The following TRUB1 variants were observed in gnomAD, a reference collection of about 807,000 sequenced individuals.
TRUB1 encodes the protein TruB pseudouridine synthase family member 1.
In TRUB1, 23 loss-of-function variants were observed where a neutral mutation model predicts 33.9. The ratio of observed to expected loss-of-function variants is 0.68; its 90% CI spans 0.49 to 0.96. The LOEUF (loss-of-function observed/expected upper bound fraction) is 0.96. Among genes scored for constraint, TRUB1 ranks in the 40% least tolerant of loss-of-function variants. TRUB1 has a pLI of 0.00. For synonymous variants in TRUB1, 163 were observed against 165.4 expected, an observed-to-expected ratio of 0.99 and a Z score of 0.11; for missense variants, 378 against 422.2, an observed-to-expected ratio of 0.90 and a Z score of 0.92.
Position 114,938,413 on chromosome 10 carries a change from G to A in TRUB1, c.160G>A (p.Ala54Thr), listed in dbSNP as rs530499685. Residue 54 changes from alanine to threonine, a missense_variant, in exon 1 of 8, where the codon GCC (alanine) becomes ACC (threonine). Coordinates refer to ENST00000298746, the MANE Select transcript of TRUB1 (RefSeq NM_139169.5). Reference protein sequence around the residue: ...VAAAARTGSEARVSKAALATK... With the variant: ...VAAAARTGSETRVSKAALATK... ...GGCCGCGGCCAGGACCGGATCCGAA[G>A]CCAGGGTCTCCAAGGCCGCTTTGGC... 49 of 1,601,324 alleles carry A rather than the reference G, an allele frequency of 3.1e-5. No homozygotes were observed. In the South Asian group the frequency reaches 4.8e-4, roughly 16 times the overall value.
chr10:114,956,891 CAAAATGTTTGAGAACAT>C (rs954060871), intron 3 of TRUB1, among the ~76,000 whole-genome samples: 1 of 152,068 alleles, frequency 6.6e-6, no homozygotes, highest in African/African-American at 2.4e-5. Flanking sequence ...GTTCTGAAAG[CAAAATGTTTGAGAACAT>C]TTTGATTTGA....
At chr10:114,970,332 G>A (rs1053816223) in intron 4 of TRUB1, 36 bp from the exon 5 acceptor site, 13 of 1,429,056 alleles carry the variant, frequency 9.1e-6, no homozygotes, top group Non-Finnish European at 1.2e-5. Context: ...GTACTTCTGT[G>A]GTTGTTTTAG....
rs371828385 is a variant in TRUB1 at position 114,971,162 on chromosome 10, G to A, written c.596+722G>A. ...CAGCTCTCTGGAGCCTCCTTTATAA[G>A]CGTACTAATTTCTTTCATGAGGGCT... On this transcript the variant is annotated intron_variant, in intron 5 of 7. Transcript: ENST00000298746. Among the ~76,000 whole-genome samples the A allele has an allele frequency of 2.4e-4, 36 of 152,254 alleles. No homozygotes were observed. The South Asian group carries it at 4.6e-3, about 19-fold the overall frequency.
chr10:114,973,916 A>G lies in TRUB1; in HGVS notation c.737-413A>G, dbSNP rs182661277. ...AAGTCAGAAAATATTTTAAAAATCT[A>G]CCGCTCATGATGGCAAAGCTGCCAT... On this transcript the variant is annotated intron_variant, in intron 6 of 7. Coordinates refer to ENST00000298746, the MANE Select transcript of TRUB1 (RefSeq NM_139169.5). Among the ~76,000 whole-genome samples, 320 of 152,266 alleles carry G rather than the reference A, an allele frequency of 2.1e-3. 1 individual carries two copies. The highest frequency in any genetic ancestry group is 7.3e-3 in the African/African-American group (303 of 41,562).
intron 1 of TRUB1, among the ~76,000 whole-genome samples, chr10:114,941,978 G>A (rs1246849359): frequency 1.3e-5 from 2 of 151,804 alleles, no homozygotes; most frequent in Non-Finnish European, 2.9e-5. Flanking sequence ...TAGAGACGGT[G>A]TTTCACCGTG....
chr10:114,949,019 C>T (rs1190705416), intron 2 of TRUB1, among the ~76,000 whole-genome samples: 6 of 152,340 alleles, frequency 3.9e-5, no homozygotes, highest in South Asian at 2.1e-4. Context: ...TTAGGATGCT[C>T]CCACCTTTGC....
chr10:114,971,185 G>T (rs915710545), intron 5 of TRUB1, among the ~76,000 whole-genome samples: 1 of 152,118 alleles, frequency 6.6e-6, no homozygotes, highest in East Asian at 1.9e-4. Flanking sequence ...TTTCATGAGG[G>T]CTGCGCCCTA....
intron 4 of TRUB1, 49 bp from the exon 5 acceptor site, chr10:114,970,319 C>A: frequency 1.5e-6 from 2 of 1,303,162 alleles, no homozygotes; most frequent in Non-Finnish European, 2.2e-6. Flanking sequence ...GAAAATAGTA[C>A]ATGTACTTCT....
chr10:114,974,422 G>T (rs761684593), intron 7 of TRUB1, 37 bp downstream of exon 7: 4 of 1,531,526 alleles, frequency 2.6e-6, no homozygotes, highest in South Asian at 1.1e-5. Flanking sequence ...ATCATTTAGA[G>T]AATAATACTC....
chr10:114,958,646 A>G (rs1354259514), intron 3 of TRUB1, among the ~76,000 whole-genome samples: 1 of 152,204 alleles, frequency 6.6e-6, no homozygotes, highest in Non-Finnish European at 1.5e-5. Flanking sequence ...TCACTACTTC[A>G]TGTGATGCCC....
At chr10:114,957,756 T>G (rs1375608951) in intron 3 of TRUB1, among the ~76,000 whole-genome samples, 1 of 152,188 alleles carries the variant, frequency 6.6e-6, no homozygotes, top group East Asian at 1.9e-4. Context: ...AGGTTCCTAG[T>G]TCAAACTCGT....
intron 4 of TRUB1, among the ~76,000 whole-genome samples, chr10:114,960,530 T>G (rs1400681327): frequency 6.6e-6 from 1 of 152,186 alleles, no homozygotes; most frequent in Non-Finnish European, 1.5e-5. Flanking sequence ...GGCCCCCTTA[T>G]ATTTTTGTGT....
chr10:114,971,370 G>T (rs939434340), intron 5 of TRUB1, among the ~76,000 whole-genome samples: 10 of 152,062 alleles, frequency 6.6e-5, no homozygotes, highest in Admixed American at 5.9e-4. Context: ...GGCTGAATTG[G>T]TTATAGGATA....
intron 4 of TRUB1, among the ~76,000 whole-genome samples, chr10:114,963,966 C>CGTGTGTGTGT (rs35359334): frequency 2.0e-5 from 3 of 148,906 alleles, no homozygotes; most frequent in Non-Finnish European, 4.5e-5. Flanking sequence ...GAATATAGGT[C>CGTGTGTGTGT]GTGTGTGTGT....
chr10:114,948,362 C>T (rs1462989632), intron 2 of TRUB1, among the ~76,000 whole-genome samples: 2 of 152,166 alleles, frequency 1.3e-5, no homozygotes, highest in Admixed American at 1.3e-4. Flanking sequence ...TGCTGCTCTT[C>T]TATACTGCTA....
chr10:114,943,410 A>G (rs2084197675), intron 2 of TRUB1, among the ~76,000 whole-genome samples: 1 of 152,110 alleles, frequency 6.6e-6, no homozygotes, highest in African/African-American at 2.4e-5. Flanking sequence ...TGTGCCTGTA[A>G]TCCCAGCTAC....
At chr10:114,962,099 T>G (rs2084287194) in intron 4 of TRUB1, among the ~76,000 whole-genome samples, 1 of 152,212 alleles carries the variant, frequency 6.6e-6, no homozygotes, top group Non-Finnish European at 1.5e-5. Context: ...AAAAGTCTTT[T>G]GGCTGGGGTG....
chr10:114,943,346 A>G (rs975068961), intron 2 of TRUB1, among the ~76,000 whole-genome samples: 7 of 152,098 alleles, frequency 4.6e-5, no homozygotes, highest in South Asian at 2.1e-4. Flanking sequence ...CCTGACCAAC[A>G]TGGTGAAACC....
At chr10:114,974,589 GAA>G (rs536758140) in intron 7 of TRUB1, among the ~76,000 whole-genome samples, 1 of 151,240 alleles carries the variant, frequency 6.6e-6, no homozygotes, top group Non-Finnish European at 1.5e-5. Context: ...TAATGGGAAA[GAA>G]GAGAAAGAGA....
Sources: allele counts gnomAD v4.1 joint callset (sites outside exome capture counted in the v4.1 genomes callset), GRCh38; gene constraint gnomAD v4.1.1; transcripts MANE v1.5; gene names NCBI Gene and HGNC (gene_info 2026-07-23, HGNC 2026-07-21).